The following LIMS1 variants were observed in gnomAD, a reference collection of about 807,000 sequenced individuals.
LIMS1 encodes the protein LIM and senescent cell antigen-like-containing domain protein 1.
Under a neutral mutation model 44.1 loss-of-function variants are expected in LIMS1, and 18 were observed. The ratio of observed to expected loss-of-function variants is 0.41; its 90% CI spans 0.28 to 0.61. LIMS1 has a LOEUF of 0.61. Among genes scored for constraint, LIMS1 ranks in the 20% least tolerant of loss-of-function variants. The pLI is 0.32. For missense variants in LIMS1, 201 were observed against 422.0 expected, an observed-to-expected ratio of 0.48 and a Z score of 4.59; for synonymous variants, 93 against 149.1, an observed-to-expected ratio of 0.62 and a Z score of 2.74.
intron 3 of LIMS1, among the ~76,000 whole-genome samples, chr2:108,671,535 G>A (rs1215696417): frequency 1.3e-5 from 2 of 152,292 alleles, no homozygotes; most frequent in East Asian, 3.9e-4. Flanking sequence ...TTGCTTGCAC[G>A]GCGCATAAGT....
intron 1 of LIMS1, among the ~76,000 whole-genome samples, chr2:108,544,673 T>G (rs182851340): frequency 3.2e-4 from 48 of 152,248 alleles, no homozygotes; most frequent in Non-Finnish European, 5.4e-4. Flanking sequence ...TTTTGTATTT[T>G]TAGTAGAGAC....
intron 1 of LIMS1, among the ~76,000 whole-genome samples, chr2:108,618,670 A>G (rs968368227): frequency 2.0e-5 from 3 of 151,918 alleles, no homozygotes; most frequent in African/African-American, 7.3e-5. Context: ...ACTAAAATAC[A>G]AAAAATTAGC....
At chr2:108,676,826 T>C (rs1302199462) in intron 7 of LIMS1, 128 bp downstream of exon 7, 1 of 744,024 alleles carries the variant, frequency 1.3e-6, no homozygotes, top group African/African-American at 1.8e-5. Flanking sequence ...ACTTTTTATT[T>C]GGGAAATAAT....
intron 1 of LIMS1, among the ~76,000 whole-genome samples, chr2:108,583,207 A>ATT (rs59274385): frequency 1.4e-5 from 2 of 139,744 alleles, no homozygotes; most frequent in Non-Finnish European, 3.1e-5. Flanking sequence ...TAATGTTTGT[A>ATT]TTTTTTTTTT....
At chr2:108,569,089 C>T (rs1196990655) in intron 1 of LIMS1, among the ~76,000 whole-genome samples, 1 of 152,116 alleles carries the variant, frequency 6.6e-6, no homozygotes. Context: ...GATGGGGTTT[C>T]ACTGTGTTGG....
Position 108,608,602 on chromosome 2 carries a change from C to T in LIMS1, c.33-51003C>T, listed in dbSNP as rs572067667. On this transcript the variant is annotated intron_variant, in intron 1 of 9. Transcript: ENST00000544547. ...TACAGGCGTGAGCCACCGCGCCCGG[C>T]CCACTCACATTTTTAAAACATTTAT... Among the ~76,000 whole-genome samples the T allele has an allele frequency of 2.0e-5, 3 of 152,322 alleles. No homozygotes were observed. The South Asian group carries it at 6.2e-4, about 32-fold the overall frequency.
intron 1 of LIMS1, among the ~76,000 whole-genome samples, chr2:108,642,262 C>A (rs980783612): frequency 4.0e-5 from 6 of 151,444 alleles, no homozygotes; most frequent in African/African-American, 1.5e-4. Context: ...GCTTTTAAAT[C>A]CTACAGATAT....
chr2:108,546,655 C>A (rs1024511967), intron 1 of LIMS1, among the ~76,000 whole-genome samples: 1 of 148,796 alleles, frequency 6.7e-6, no homozygotes, highest in Non-Finnish European at 1.5e-5. Flanking sequence ...CATTCTCTAG[C>A]GAGCCTGTCT....
intron 1 of LIMS1, among the ~76,000 whole-genome samples, chr2:108,614,749 C>T (rs1390599988): frequency 6.6e-6 from 1 of 152,148 alleles, no homozygotes; most frequent in Non-Finnish European, 1.5e-5. Flanking sequence ...GATTAGACTG[C>T]ACACAAAACC....
At chr2:108,577,425 T>A (rs959468597) in intron 1 of LIMS1, among the ~76,000 whole-genome samples, 5 of 152,252 alleles carry the variant, frequency 3.3e-5, no homozygotes, top group Non-Finnish European at 7.3e-5. Context: ...TCTAGGAAGT[T>A]ACTCCGGGCT....
intron 1 of LIMS1, among the ~76,000 whole-genome samples, chr2:108,594,758 A>G (rs925887752): frequency 6.6e-6 from 1 of 152,218 alleles, no homozygotes; most frequent in Non-Finnish European, 1.5e-5. Flanking sequence ...AGCTATATAC[A>G]TATCATGTCA....
At chr2:108,551,509 A>G (rs1460713240) in intron 1 of LIMS1, among the ~76,000 whole-genome samples, 13 of 145,334 alleles carry the variant, frequency 8.9e-5, no homozygotes, top group East Asian at 8.0e-4. Flanking sequence ...ACACACACAC[A>G]CACACACACA....
chr2:108,657,224 GA>G (rs1690931904), intron 1 of LIMS1, among the ~76,000 whole-genome samples: 1 of 144,160 alleles, frequency 6.9e-6, no homozygotes, highest in Non-Finnish European at 1.5e-5. Context: ...TCTGCCTCCT[GA>G]AAGGGTCATG....
chr2:108,535,476 T>G (rs780036826), intron 1 of LIMS1, among the ~76,000 whole-genome samples: 12 of 152,242 alleles, frequency 7.9e-5, no homozygotes, highest in African/African-American at 2.7e-4. Context: ...TGCACACAGT[T>G]ACGTTAAAAT....
At chr2:108,645,767 C>CA (rs1221768760) in intron 1 of LIMS1, among the ~76,000 whole-genome samples, 1 of 149,832 alleles carries the variant, frequency 6.7e-6, no homozygotes, top group African/African-American at 2.5e-5. Context: ...TGGAGAGACA[C>CA]ACATAGGCTC....
chr2:108,580,804 G>T (rs560051295), intron 1 of LIMS1, among the ~76,000 whole-genome samples: 5 of 152,308 alleles, frequency 3.3e-5, no homozygotes, highest in African/African-American at 4.8e-5. Flanking sequence ...GGAGGAGAGA[G>T]AGTTTCAGGA....
At chr2:108,629,513 G>A (rs912302643) in intron 1 of LIMS1, among the ~76,000 whole-genome samples, 3 of 152,176 alleles carry the variant, frequency 2.0e-5, no homozygotes, top group Non-Finnish European at 4.4e-5. Flanking sequence ...ATGAAAAAAT[G>A]CAAGTATCAG....
At chr2:108,650,268 T>C (rs964021200) in intron 1 of LIMS1, among the ~76,000 whole-genome samples, 2 of 152,196 alleles carry the variant, frequency 1.3e-5, no homozygotes, top group East Asian at 3.8e-4. Context: ...AGCTATGGTG[T>C]TTATTCGGAA....
chr2:108,599,237 A>G (rs920181920), intron 1 of LIMS1, among the ~76,000 whole-genome samples: 28 of 152,198 alleles, frequency 1.8e-4, no homozygotes, highest in Admixed American at 1.4e-3. Flanking sequence ...CTCTGTGTCC[A>G]TGAGTTAAAT....
Sources: gnomAD v4.1 joint callset for allele counts (sites outside exome capture counted in the v4.1 genomes callset) on GRCh38, gnomAD v4.1.1 for gene constraint, MANE v1.5 for transcripts, NCBI Gene and HGNC (gene_info 2026-07-23, HGNC 2026-07-21) for gene names.